The following PSMD9 variants were observed in gnomAD, a reference collection of about 807,000 sequenced individuals.
PSMD9 encodes proteasome 26S subunit, non-ATPase 9, also known as 26S proteasome non-ATPase regulatory subunit 9.
Under a neutral mutation model 25.9 loss-of-function variants are expected in PSMD9, and 26 were observed. The ratio of observed to expected loss-of-function variants is 1.00; its 90% CI spans 0.73 to 1.39. The LOEUF (loss-of-function observed/expected upper bound fraction) is 1.39. Ranked by LOEUF, PSMD9 falls within the 40% of genes most tolerant of loss-of-function variation. PSMD9 has a pLI of 0.00. For missense variants in PSMD9, 303 were observed against 299.3 expected (o/e 1.01, Z -0.09); for synonymous variants, 110 against 114.5 (o/e 0.96, Z 0.25).
chr12:121,901,680 T>C (rs1255956676), intron 3 of PSMD9, among the ~76,000 whole-genome samples: 3 of 56,230 alleles, frequency 5.3e-5, no homozygotes, highest in Non-Finnish European at 1.8e-4. Flanking sequence ...TTTTTTTTTT[T>C]TTTTTTTTTT....
In PSMD9 at chr12:121,895,151, T is replaced by G. The variant is rs144126339; in HGVS notation, c.241+310T>G. 8.5e-4 allele frequency among the ~76,000 whole-genome samples: 129 copies of G among 152,068 alleles called. 1 individual carries two copies. The highest frequency in any genetic ancestry group is 3.1e-3 in the African/African-American group (129 of 41,502). On this transcript the variant is annotated intron_variant, in intron 2 of 5. Transcript: ENST00000541212. The stretch of plus-strand genomic sequence containing the variant: ...TCTCAACCCCCCAGGCTCCAAGTGC[T>G]CCTTCTGCCTCAGCCTCCCAAGTAG...
Position 121,894,874 on chromosome 12 carries a change from T to G in PSMD9, c.241+33T>G, listed in dbSNP as rs1364816143. The G allele has an allele frequency of 3.9e-6, 6 of 1,552,934 alleles. No homozygotes were observed. In the South Asian group the frequency reaches 6.8e-5, roughly 18 times the overall value. The stretch of plus-strand genomic sequence containing the variant: ...GCCCTCTTAGAAGACTTTCCCCACC[T>G]TGTGGTGGGAAGGTGTTAAAGGCAT... On this transcript the variant is annotated intron_variant, in intron 2 of 5. Transcript: ENST00000541212.
chr12:121,898,527 T>A (rs1879296616), intron 2 of PSMD9: 1 of 151,592 alleles, frequency 6.6e-6, no homozygotes, highest in Non-Finnish European at 1.5e-5. Flanking sequence ...CCAGGATTAC[T>A]AGGCTTATGC....
intron 2 of PSMD9, chr12:121,897,970 T>C (rs546971562): frequency 6.6e-6 from 1 of 152,352 alleles, no homozygotes; most frequent in African/African-American, 2.4e-5. Flanking sequence ...GTTCGTTCCA[T>C]TCCCCAACAG....
At chr12:121,896,579 G>A (rs931272098) in intron 2 of PSMD9, among the ~76,000 whole-genome samples, 2 of 152,078 alleles carry the variant, frequency 1.3e-5, no homozygotes, top group African/African-American at 4.8e-5. Context: ...GCTCACGCCT[G>A]TAATCCCAGC....
rs908164341 is a variant in PSMD9 at position 121,917,377 on chromosome 12, G to A, written c.*1066G>A. On this transcript the variant is annotated 3_prime_UTR_variant, in exon 6 of 6. Coordinates refer to ENST00000541212, the MANE Select transcript of PSMD9 (RefSeq NM_002813.7). ...AAACCGCTGAGGTATGGATAGGAACGAGTAGATCAGACCTCTTGAAAATGC... is the reference window on the plus strand; with the variant it reads ...AAACCGCTGAGGTATGGATAGGAACAAGTAGATCAGACCTCTTGAAAATGC... The A allele has an allele frequency of 1.3e-5, 2 of 152,248 alleles. No individual in the cohort carries two copies. Among genetic ancestry groups the A allele is most frequent in the African/African-American group, 4.8e-5 (2 of 41,470 alleles). 9.4% of individuals were successfully genotyped at this position (152,248 alleles called of 1,614,324 possible).
Position 121,888,993 on chromosome 12 carries a change from G to A in PSMD9, c.137G>A (p.Ser46Asn), listed in dbSNP as rs1227183346. ...AAGGCCAACTATGACGTGCTGGAAA[G>A]CGTGAGTGTGGGTTCGGGGCGCCCC... ...QIKANYDVLE[S>N]QKGIGMNEPL... Residue 46 changes from serine (S) to asparagine (N), a missense_variant and splice_region_variant, in exon 1 of 6, where the codon AGC becomes AAC. Coordinates refer to ENST00000541212, the MANE Select transcript of PSMD9 (RefSeq NM_002813.7). 3.2e-6 allele frequency: 5 copies of A among 1,583,480 alleles called. No individual in the cohort carries two copies. The South Asian group carries it at 5.7e-5, about 18-fold the overall frequency.
At chr12:121,906,878 A>G (rs1364646052) in intron 4 of PSMD9, among the ~76,000 whole-genome samples, 1 of 149,050 alleles carries the variant, frequency 6.7e-6, no homozygotes, top group Non-Finnish European at 1.5e-5. Context: ...AGGCAGGAGA[A>G]TTGCTTGAAC....
chr12:121,899,353 A>C (rs919937986), intron 2 of PSMD9: 1 of 413,198 alleles, frequency 2.4e-6, no homozygotes. Flanking sequence ...GCCTTCAGGA[A>C]GCCTTCCCTC....
intron 4 of PSMD9, chr12:121,914,671 G>A (rs1299807901): frequency 1.3e-5 from 2 of 152,008 alleles, no homozygotes; most frequent in Admixed American, 6.6e-5. Flanking sequence ...GGCCAGTATG[G>A]TGAAACCCTG....
intron 3 of PSMD9, 118 bp from the exon 4 acceptor site, chr12:121,902,888 C>T (rs927526463): frequency 1.0e-5 from 8 of 788,396 alleles, no homozygotes; most frequent in African/African-American, 8.5e-5. Flanking sequence ...TTGTTCTGAG[C>T]CTACCCTGTA....
Position 121,888,908 on chromosome 12 carries a change from G to C in PSMD9, c.52G>C (p.Val18Leu). The C allele has an allele frequency of 6.3e-7, 1 of 1,597,182 alleles. No homozygotes were observed. The highest frequency in any genetic ancestry group is 8.5e-7 in the Non-Finnish European group (1 of 1,172,782). The change falls in exon 1 of 6, where the codon GTG (valine) becomes CTG (leucine). Residue 18 changes from valine (V) to leucine (L), a missense_variant. By Grantham distance (32) the Val-to-Leu change is conservative. Transcript: ENST00000541212. ...CGGAGGCTCCTCGCAGGCCGGCGTCGTGACTGTCAGCGACGTCCAGGAGCT... is the reference window on the plus strand; with the variant it reads ...CGGAGGCTCCTCGCAGGCCGGCGTCCTGACTGTCAGCGACGTCCAGGAGCT... ...QSGGSSQAGV[V>L]TVSDVQELMR... is the part of the protein sequence containing the mutation.
rs551850063 is a variant in PSMD9, at chr12:121,889,109, C to G, written c.138+115C>G. 2.2e-6 allele frequency: 3 copies of G among 1,351,960 alleles called. No homozygotes were observed. In the African/African-American group the frequency reaches 4.4e-5, roughly 20 times the overall value. 83.7% of individuals were successfully genotyped at this position (1,351,960 alleles called of 1,614,324 possible). A position where few individuals can be genotyped will look rare whatever the true frequency, so the allele number is the denominator to read the frequency against. ...CTCCGCAACGGATCTCCCTGGGAGG[C>G]CCAAGGCGCCGCAAGTGCGGCCTCT... On this transcript the variant is annotated intron_variant, in intron 1 of 5. Transcript: ENST00000541212.
chr12:121,913,429 T>G (rs928306389), intron 4 of PSMD9, among the ~76,000 whole-genome samples: 1 of 151,784 alleles, frequency 6.6e-6, no homozygotes, highest in African/African-American at 2.4e-5. Flanking sequence ...GGTATAGGAG[T>G]TCTTTATATG....
At chr12:121,912,697 T>C (rs1169502931) in intron 4 of PSMD9, among the ~76,000 whole-genome samples, 1 of 151,632 alleles carries the variant, frequency 6.6e-6, no homozygotes, top group Non-Finnish European at 1.5e-5. Flanking sequence ...GAAACCTGTC[T>C]CTGGAAAAAA....
intron 2 of PSMD9, 57 bp downstream of exon 2, chr12:121,894,898 A>T: frequency 6.9e-7 from 1 of 1,439,768 alleles, no homozygotes; most frequent in South Asian, 1.2e-5. Context: ...TGTTAAAGGC[A>T]TACAAATAAA....
At chr12:121,911,997 A>G (rs1425662037) in intron 4 of PSMD9, among the ~76,000 whole-genome samples, 1 of 149,990 alleles carries the variant, frequency 6.7e-6, no homozygotes, top group Non-Finnish European at 1.5e-5. Flanking sequence ...GGTTTCTGGA[A>G]TGAGCTTGCT....
At chr12:121,906,898 A>G (rs968174568) in intron 4 of PSMD9, among the ~76,000 whole-genome samples, 2 of 149,046 alleles carry the variant, frequency 1.3e-5, no homozygotes, top group Non-Finnish European at 3.0e-5. Flanking sequence ...CCCGGGAGGC[A>G]GAGGTTGCAG....
intron 1 of PSMD9, among the ~76,000 whole-genome samples, chr12:121,891,890 A>C (rs559978531): frequency 1.4e-3 from 178 of 128,524 alleles, no homozygotes; most frequent in Non-Finnish European, 2.3e-3. Flanking sequence ...TGGGTGACAG[A>C]GATTCCATCT....
Sources: allele counts gnomAD v4.1 joint callset (sites outside exome capture counted in the v4.1 genomes callset), GRCh38; gene constraint gnomAD v4.1.1; transcripts MANE v1.5; gene names NCBI Gene and HGNC (gene_info 2026-07-23, HGNC 2026-07-21).